Variants in DOCK2 observed in about 807,000 individuals in gnomAD.
The protein encoded by DOCK2 is dedicator of cytokinesis 2, also known as dedicator of cytokinesis protein 2.
Under a neutral mutation model 248.9 loss-of-function variants are expected in DOCK2, and 87 were observed. The observed-to-expected ratio is 0.35, with a 90% CI of 0.29 to 0.42. The LOEUF (loss-of-function observed/expected upper bound fraction) is 0.42, where lower values mean the gene tolerates loss of function less well. Ranked by LOEUF, DOCK2 falls within the 10% of genes least tolerant of loss-of-function variation. The pLI is 1.00. For missense variants in DOCK2, 1,747 were observed against 2,300.2 expected (o/e 0.76, Z 4.92); for synonymous variants, 805 against 821.6 (o/e 0.98, Z 0.35).
At chr5:170,024,233 G>A (rs565796344) in intron 33 of DOCK2, among the ~76,000 whole-genome samples, 1 of 152,264 alleles carries the variant, frequency 6.6e-6, no homozygotes, top group African/African-American at 2.4e-5. Context: ...ATGCAGTCAT[G>A]TAGCTGTGGA....
In DOCK2 at chr5:170,001,501, C is replaced by T. The variant is rs891748650; in HGVS notation, c.3072+5337C>T. 3.3e-5 allele frequency among the ~76,000 whole-genome samples: 5 copies of T among 152,126 alleles called. No individual in the cohort carries two copies. In the East Asian group the frequency reaches 9.6e-4, roughly 29 times the overall value. ...AGTCAGATAAACTGGATTCAGATGC[C>T]ACCTTCACCGTTTTGTAGCTCTGTG... On this transcript the variant is annotated intron_variant, in intron 30 of 51. Transcript: ENST00000520908.
intron 21 of DOCK2, among the ~76,000 whole-genome samples, chr5:169,717,922 C>T (rs1761990985): frequency 6.6e-6 from 1 of 152,074 alleles, no homozygotes; most frequent in African/African-American, 2.4e-5. Flanking sequence ...ATTAGCTGAG[C>T]ATGGTGGTGG....
intron 6 of DOCK2, among the ~76,000 whole-genome samples, chr5:169,677,008 A>G (rs1759369397): frequency 6.6e-6 from 1 of 152,186 alleles, no homozygotes; most frequent in South Asian, 2.1e-4. Context: ...CAACTTTATG[A>G]GGTAGGCACT....
chr5:169,844,807 G>C (rs1482095261), intron 27 of DOCK2, among the ~76,000 whole-genome samples: 1 of 151,298 alleles, frequency 6.6e-6, no homozygotes, highest in East Asian at 2.0e-4. Flanking sequence ...AGAGTTTAAG[G>C]CTTGTGCCTA....
chr5:169,782,782 C>T (rs1765784430), intron 25 of DOCK2, among the ~76,000 whole-genome samples: 1 of 152,138 alleles, frequency 6.6e-6, no homozygotes, highest in Non-Finnish European at 1.5e-5. Context: ...CCTACAGCTG[C>T]AAAACTTAAT....
chr5:169,704,382 A>C (rs1421003580), intron 14 of DOCK2, among the ~76,000 whole-genome samples: 1 of 152,200 alleles, frequency 6.6e-6, no homozygotes, highest in Non-Finnish European at 1.5e-5. Context: ...TTGGCAGAGC[A>C]GGACCAGAGG....
At chr5:169,896,302 T>G (rs1375497376) in intron 27 of DOCK2, among the ~76,000 whole-genome samples, 1 of 152,134 alleles carries the variant, frequency 6.6e-6, no homozygotes, top group African/African-American at 2.4e-5. Flanking sequence ...ACCCCTTAAA[T>G]CCCATGTGGA....
intron 36 of DOCK2, among the ~76,000 whole-genome samples, chr5:170,040,184 T>C (rs913372531): frequency 2.6e-5 from 4 of 152,208 alleles, no homozygotes; most frequent in Admixed American, 1.3e-4. Flanking sequence ...ACTTTATAGA[T>C]AGGTTCTGTG....
intron 27 of DOCK2, among the ~76,000 whole-genome samples, chr5:169,955,447 AC>A (rs1232186104): frequency 1.3e-5 from 2 of 152,198 alleles, no homozygotes; most frequent in African/African-American, 4.8e-5. Context: ...CCTGGACAGT[AC>A]GTGCTGTCAC....
chr5:169,711,611 G>A (rs534757019), intron 15 of DOCK2, among the ~76,000 whole-genome samples: 15 of 152,202 alleles, frequency 9.9e-5, no homozygotes, highest in Middle Eastern at 3.2e-3. Context: ...TGTGCAGTTT[G>A]CAGTGCATCA....
chr5:169,955,041 C>T (rs925793296), intron 27 of DOCK2, among the ~76,000 whole-genome samples: 2 of 152,218 alleles, frequency 1.3e-5, no homozygotes, highest in Non-Finnish European at 2.9e-5. Context: ...CACAGGTCTC[C>T]ACCAGCCAAG....
chr5:169,744,901 C>A (rs1353263941), intron 22 of DOCK2, among the ~76,000 whole-genome samples: 1 of 152,146 alleles, frequency 6.6e-6, no homozygotes, highest in Admixed American at 6.5e-5. Context: ...CTGGGCAGAA[C>A]TCCCCACCAC....
intron 26 of DOCK2, among the ~76,000 whole-genome samples, chr5:169,825,869 G>T (rs1768820184): frequency 2.6e-5 from 4 of 150,970 alleles, no homozygotes; most frequent in Admixed American, 2.6e-4. Context: ...TCTCCTGGAA[G>T]ACGAGTCACA....
At chr5:169,939,790 A>AAT (rs1271774084) in intron 27 of DOCK2, among the ~76,000 whole-genome samples, 2 of 152,090 alleles carry the variant, frequency 1.3e-5, no homozygotes, top group Non-Finnish European at 2.9e-5. Context: ...GTCCCTAAAA[A>AAT]ATATAAGAAA....
At chr5:169,755,870 G>A (rs1322072602) in intron 23 of DOCK2, among the ~76,000 whole-genome samples, 3 of 152,214 alleles carry the variant, frequency 2.0e-5, no homozygotes, top group Non-Finnish European at 2.9e-5. Context: ...CCTTCTGGGA[G>A]CGTTTGGTGC....
intron 25 of DOCK2, among the ~76,000 whole-genome samples, chr5:169,773,626 G>A (rs1383088902): frequency 1.3e-5 from 2 of 152,118 alleles, no homozygotes; most frequent in African/African-American, 4.8e-5. Flanking sequence ...ATAAGGTTAT[G>A]CATTTACTCC....
chr5:169,666,127 T>G (rs1758714913), intron 2 of DOCK2, among the ~76,000 whole-genome samples: 1 of 152,184 alleles, frequency 6.6e-6, no homozygotes, highest in Non-Finnish European at 1.5e-5. Context: ...AGATCTGGTT[T>G]CTGGTGGGGG....
chr5:170,014,954 G>A (rs1755458504), intron 32 of DOCK2, among the ~76,000 whole-genome samples: 1 of 152,174 alleles, frequency 6.6e-6, no homozygotes, highest in Non-Finnish European at 1.5e-5. Flanking sequence ...AGAGAAGAGT[G>A]GAGGGTTGTG....
intron 25 of DOCK2, among the ~76,000 whole-genome samples, chr5:169,790,053 G>A (rs1766231154): frequency 6.6e-6 from 1 of 152,312 alleles, no homozygotes; most frequent in African/African-American, 2.4e-5. Context: ...CTGATATGGG[G>A]AAGGTAAGGG....
Sources: allele counts gnomAD v4.1 joint callset (sites outside exome capture counted in the v4.1 genomes callset), GRCh38; gene constraint gnomAD v4.1.1; transcripts MANE v1.5; gene names NCBI Gene and HGNC (gene_info 2026-07-23, HGNC 2026-07-21).